Variants in OR1J2 observed in about 807,000 individuals in gnomAD.
The protein encoded by OR1J2 is olfactory receptor 1J2.
For synonymous variants in OR1J2, 142 were observed against 99.7 expected (o/e 1.42, Z -2.52); for missense variants, 304 against 246.1 (o/e 1.24, Z -1.57).
chr9:122,574,317 T>C, the OR1J2 span, among the ~76,000 whole-genome samples: 3 of 152,194 alleles, frequency 2.0e-5, no homozygotes, highest in Non-Finnish European at 2.9e-5. Context: ...TTTGATAATA[T>C]TGAGCCTTCT....
chr9:122,556,437 A>G, the OR1J2 span, among the ~76,000 whole-genome samples: 3,902 of 150,796 alleles, frequency 0.026, 63 homozygotes, highest in Non-Finnish European at 0.04. Flanking sequence ...ATATTGATCT[A>G]TTTTTCTGTT....
chr9:122,521,266 C>A, the OR1J2 span, among the ~76,000 whole-genome samples: 1 of 152,190 alleles, frequency 6.6e-6, no homozygotes, highest in Non-Finnish European at 1.5e-5. Context: ...TGTGCAGACA[C>A]TCCTGAATTA....
At chr9:122,568,331 G>A in the OR1J2 span, 1 of 1,614,120 alleles carries the variant, frequency 6.2e-7, no homozygotes. Context: ...TGAAGCGAAT[G>A]GCCAGGATGA....
downstream of OR1J2, among the ~76,000 whole-genome samples, chr9:122,515,384 G>GTGTT (rs913020970): frequency 6.6e-6 from 1 of 151,598 alleles, no homozygotes; most frequent in Non-Finnish European, 1.5e-5. Flanking sequence ...GTGTGTGTGT[G>GTGTT]TGTGTGTATA....
chr9:122,550,960 G>A, the OR1J2 span, among the ~76,000 whole-genome samples: 1 of 151,746 alleles, frequency 6.6e-6, no homozygotes, highest in Non-Finnish European at 1.5e-5. Context: ...GAAAAAGGAA[G>A]TCAAAGTATC....
chr9:122,517,592 T>TA, the OR1J2 span, among the ~76,000 whole-genome samples: 2 of 143,286 alleles, frequency 1.4e-5, no homozygotes, highest in East Asian at 3.9e-4. Context: ...GTATATATAT[T>TA]AGGCATTTGG....
At chr9:122,457,747 G>T in the OR1J2 span, among the ~76,000 whole-genome samples, 2 of 151,890 alleles carry the variant, frequency 1.3e-5, no homozygotes, top group Non-Finnish European at 2.9e-5. Flanking sequence ...ATTAATAAAG[G>T]GATGGGAATT....
At chr9:122,504,943 A>G in the OR1J2 span, among the ~76,000 whole-genome samples, 2 of 152,090 alleles carry the variant, frequency 1.3e-5, no homozygotes, top group Admixed American at 6.6e-5. Context: ...TAGCTAAACT[A>G]TCTTACAGCC....
At chr9:122,482,919 A>G in the OR1J2 span, among the ~76,000 whole-genome samples, 27 of 152,308 alleles carry the variant, frequency 1.8e-4, no homozygotes, top group African/African-American at 6.5e-4. Context: ...CAGTTAGATA[A>G]GAGAAATAAG....
the OR1J2 span, chr9:122,567,677 G>GT: frequency 2.5e-6 from 4 of 1,614,004 alleles, no homozygotes; most frequent in African/African-American, 5.3e-5. Context: ...CCTTGACAGC[G>GT]TAGGTGGATG....
upstream of OR1J2, among the ~76,000 whole-genome samples, chr9:122,508,600 G>A (rs974116063): frequency 6.4e-4 from 98 of 152,152 alleles, no homozygotes; most frequent in African/African-American, 2.2e-3. Flanking sequence ...TTATTTCCCT[G>A]CTGGTTAGGT....
At chr9:122,471,799 G>T in the OR1J2 span, among the ~76,000 whole-genome samples, 2 of 152,108 alleles carry the variant, frequency 1.3e-5, no homozygotes, top group Non-Finnish European at 2.9e-5. Flanking sequence ...TACTAAAGAA[G>T]CACAGAATTG....
chr9:122,526,863 G>A, the OR1J2 span: 1 of 1,614,196 alleles, frequency 6.2e-7, no homozygotes, highest in Non-Finnish European at 8.5e-7. Flanking sequence ...CCAGCACAAT[G>A]CAAGCATTAG....
the OR1J2 span, among the ~76,000 whole-genome samples, chr9:122,563,988 G>A: frequency 2.0e-5 from 3 of 152,144 alleles, no homozygotes; most frequent in African/African-American, 4.8e-5. Flanking sequence ...TTATGACCAT[G>A]CTGTTTCAGT....
At chr9:122,479,135 C>A in the OR1J2 span, among the ~76,000 whole-genome samples, 1 of 152,292 alleles carries the variant, frequency 6.6e-6, no homozygotes, top group African/African-American at 2.4e-5. Flanking sequence ...CCAGGCTCAA[C>A]CACACATGTG....
the OR1J2 span, among the ~76,000 whole-genome samples, chr9:122,542,792 C>G: frequency 6.6e-6 from 1 of 152,130 alleles, no homozygotes; most frequent in Non-Finnish European, 1.5e-5. Context: ...ACTCCAAGTC[C>G]CATGCGGCCA....
chr9:122,527,384 G>A, the OR1J2 span: 3 of 702,344 alleles, frequency 4.3e-6, no homozygotes, highest in African/African-American at 1.8e-5. Flanking sequence ...CTCCCTTTAA[G>A]TTCATTATAT....
chr9:122,543,134 A>T, the OR1J2 span, among the ~76,000 whole-genome samples: 1 of 152,344 alleles, frequency 6.6e-6, no homozygotes, highest in Middle Eastern at 3.4e-3. Flanking sequence ...TTGTAAAAAA[A>T]TTCATTTTCC....
At chr9:122,518,461 C>T in the OR1J2 span, among the ~76,000 whole-genome samples, 1 of 152,232 alleles carries the variant, frequency 6.6e-6, no homozygotes, top group Non-Finnish European at 1.5e-5. Context: ...GCTGAGTCCT[C>T]ACATGGCAAT....
Sources: gnomAD v4.1 joint callset for allele counts (sites outside exome capture counted in the v4.1 genomes callset) on GRCh38, gnomAD v4.1.1 for gene constraint, MANE v1.5 for transcripts, NCBI Gene and HGNC (gene_info 2026-07-23, HGNC 2026-07-21) for gene names.